Variants in CDH18 observed in about 807,000 individuals in gnomAD.
The protein encoded by CDH18 is cadherin-18.
In CDH18, 31 loss-of-function variants were observed where a neutral mutation model predicts 67.9. The observed-to-expected ratio is 0.46, with a 90% CI of 0.34 to 0.62. The LOEUF (loss-of-function observed/expected upper bound fraction) is 0.62. CDH18 is among the 20% of genes least tolerant of loss of function. The pLI, the probability that CDH18 is intolerant of heterozygous loss-of-function variation, is 0.01. For missense variants in CDH18, 890 were observed against 975.5 expected (o/e 0.91, Z 1.17); for synonymous variants, 362 against 347.2 (o/e 1.04, Z -0.48).
chr5:19,826,850 A>G (rs553848803), intron 3 of CDH18, among the ~76,000 whole-genome samples: 1 of 152,250 alleles, frequency 6.6e-6, no homozygotes, highest in African/African-American at 2.4e-5. Context: ...CCAGCTAACA[A>G]CAAAATGACA....
intron 1 of CDH18, among the ~76,000 whole-genome samples, chr5:20,532,775 G>GT (rs1377697259): frequency 6.6e-6 from 1 of 151,814 alleles, no homozygotes; most frequent in Non-Finnish European, 1.5e-5. Context: ...CTTCCAATAG[G>GT]TTTTACAATA....
At chr5:19,788,779 A>T (rs1321782300) in intron 3 of CDH18, among the ~76,000 whole-genome samples, 1 of 152,194 alleles carries the variant, frequency 6.6e-6, no homozygotes, top group Non-Finnish European at 1.5e-5. Context: ...CCAATACATT[A>T]TAGTAACAAT....
At chr5:20,496,686 A>G (rs1753928262) in intron 1 of CDH18, among the ~76,000 whole-genome samples, 1 of 152,108 alleles carries the variant, frequency 6.6e-6, no homozygotes, top group Admixed American at 6.6e-5. Flanking sequence ...TTTTACTTGT[A>G]TGGCATGGAA....
chr5:20,450,088 A>G (rs1237393260), intron 1 of CDH18, among the ~76,000 whole-genome samples: 4 of 152,100 alleles, frequency 2.6e-5, no homozygotes, highest in Non-Finnish European at 5.9e-5. Context: ...ATGTAATCCC[A>G]GCACTTTGGG....
intron 9 of CDH18, among the ~76,000 whole-genome samples, 159 bp downstream of exon 9, chr5:19,543,710 T>C (rs1286416911): frequency 6.6e-6 from 1 of 152,162 alleles, no homozygotes; most frequent in African/African-American, 2.4e-5. Context: ...GACTTATTCA[T>C]GCTATCTGAT....
chr5:19,888,002 A>G (rs1788404084), intron 2 of CDH18, among the ~76,000 whole-genome samples: 1 of 152,122 alleles, frequency 6.6e-6, no homozygotes, highest in South Asian at 2.1e-4. Flanking sequence ...CACCACCTAT[A>G]TCACAAATTA....
At chr5:19,764,846 G>A (rs928992278) in intron 3 of CDH18, among the ~76,000 whole-genome samples, 3 of 152,148 alleles carry the variant, frequency 2.0e-5, no homozygotes, top group East Asian at 1.9e-4. Context: ...ATGCAGTCTC[G>A]AAGCTTTGCT....
chr5:19,781,627 T>C (rs1198748623), intron 3 of CDH18, among the ~76,000 whole-genome samples: 4 of 152,130 alleles, frequency 2.6e-5, no homozygotes, highest in Admixed American at 1.3e-4. Flanking sequence ...AAGATTTTAT[T>C]ACTGAGTAAA....
intron 1 of CDH18, among the ~76,000 whole-genome samples, chr5:20,273,017 T>G (rs2126671317): frequency 6.6e-6 from 1 of 152,244 alleles, no homozygotes; most frequent in Non-Finnish European, 1.5e-5. Context: ...GCAAACAATT[T>G]ACTATATGCT....
intron 1 of CDH18, among the ~76,000 whole-genome samples, chr5:20,555,362 T>C (rs1352378989): frequency 7.2e-6 from 1 of 139,262 alleles, no homozygotes; most frequent in Non-Finnish European, 1.6e-5. Flanking sequence ...TATTTTGTTA[T>C]AGTAGTCCAA....
chr5:20,265,601 T>C (rs932630588), intron 1 of CDH18, among the ~76,000 whole-genome samples: 1 of 152,116 alleles, frequency 6.6e-6, no homozygotes, highest in Non-Finnish European at 1.5e-5. Flanking sequence ...AAAATTACAT[T>C]TATTTTCAAA....
intron 2 of CDH18, among the ~76,000 whole-genome samples, chr5:20,183,077 A>T (rs140208994): frequency 6.6e-6 from 1 of 152,226 alleles, no homozygotes; most frequent in Admixed American, 6.6e-5. Flanking sequence ...TACAGCATCT[A>T]CTTCATTATA....
chr5:19,888,093 A>C (rs1460809085), intron 2 of CDH18, among the ~76,000 whole-genome samples: 1 of 152,042 alleles, frequency 6.6e-6, no homozygotes, highest in Non-Finnish European at 1.5e-5. Flanking sequence ...GATTTCTATC[A>C]CACTGCTTTA....
intron 2 of CDH18, among the ~76,000 whole-genome samples, chr5:20,150,945 ATTC>A (rs1314958396): frequency 2.6e-5 from 4 of 151,974 alleles, no homozygotes; most frequent in African/African-American, 9.7e-5. Context: ...TCTATGTTTT[ATTC>A]TTCTACATGT....
intron 2 of CDH18, among the ~76,000 whole-genome samples, chr5:20,179,989 T>C (rs12658829): frequency 0.69 from 105,400 of 151,944 alleles, 37,131 homozygotes; most frequent in African/African-American, 0.83. Flanking sequence ...ACTATTGCTA[T>C]GGAATAAAAT....
intron 1 of CDH18, among the ~76,000 whole-genome samples, chr5:20,272,528 GAAGA>G (rs1368879785): frequency 6.6e-6 from 1 of 150,442 alleles, no homozygotes; most frequent in Non-Finnish European, 1.5e-5. Flanking sequence ...TGGAAATACA[GAAGA>G]AAGTAGAGCA....
chr5:19,577,817 A>G (rs536682528), intron 7 of CDH18, among the ~76,000 whole-genome samples: 1 of 152,354 alleles, frequency 6.6e-6, no homozygotes, highest in East Asian at 1.9e-4. Flanking sequence ...GAATATGGCA[A>G]ATCATGCAAT....
chr5:19,666,316 C>A (rs534852351), intron 5 of CDH18, among the ~76,000 whole-genome samples: 1 of 149,634 alleles, frequency 6.7e-6, no homozygotes, highest in Admixed American at 6.7e-5. Context: ...TCAGGTATCC[C>A]AGGCTGGTCT....
intron 2 of CDH18, among the ~76,000 whole-genome samples, chr5:19,911,648 A>G (rs553046314): frequency 6.6e-6 from 1 of 151,904 alleles, no homozygotes; most frequent in African/African-American, 2.4e-5. Flanking sequence ...ACAGCTGTCA[A>G]CAAGCCAGGG....
Sources: gnomAD v4.1 joint callset for allele counts (sites outside exome capture counted in the v4.1 genomes callset) on GRCh38, gnomAD v4.1.1 for gene constraint, MANE v1.5 for transcripts, NCBI Gene and HGNC (gene_info 2026-07-23, HGNC 2026-07-21) for gene names.